Variants in MSH3 observed in about 807,000 individuals in gnomAD.
MSH3 encodes mutS homolog 3.
MSH3 carries 106 observed loss-of-function variants against 123.3 expected under a neutral mutation model. The ratio of observed to expected loss-of-function variants is 0.86; its 90% CI spans 0.73 to 1.01. The LOEUF is 1.01. Among genes scored for constraint, MSH3 ranks in the 50% least tolerant of loss-of-function variants. The probability of loss-of-function intolerance (pLI) is 0.00; values close to 1 mark genes in which losing one functional copy is unlikely to be tolerated. For missense variants in MSH3, 1,459 were observed against 1,347.6 expected, an observed-to-expected ratio of 1.08 and a Z score of -1.29; for synonymous variants, 515 against 481.4, an observed-to-expected ratio of 1.07 and a Z score of -0.91.
At chr5:80,692,227 TAGATAAACATGTATATGTTTAG>T (rs1750295705) in intron 8 of MSH3, among the ~76,000 whole-genome samples, 1 of 85,054 alleles carries the variant, frequency 1.2e-5, no homozygotes, top group African/African-American at 4.6e-5. Context: ...TATGTTTAGA[TAGATAAACATGTATATGTTTAG>T]ATAGATAGAT....
At chr5:80,823,032 G>A (rs1344030203) in intron 20 of MSH3, among the ~76,000 whole-genome samples, 1 of 152,178 alleles carries the variant, frequency 6.6e-6, no homozygotes, top group Non-Finnish European at 1.5e-5. Flanking sequence ...ACTTGGTCCT[G>A]GTGGGTAGTG....
chr5:80,791,658 CT>C (rs1171179621), intron 18 of MSH3, among the ~76,000 whole-genome samples: 40 of 152,186 alleles, frequency 2.6e-4, no homozygotes, highest in African/African-American at 9.2e-4. Flanking sequence ...TGTGAAATGA[CT>C]TTAAAGGAAT....
intron 2 of MSH3, among the ~76,000 whole-genome samples, chr5:80,659,215 C>T (rs1444490785): frequency 1.4e-5 from 2 of 144,652 alleles, no homozygotes; most frequent in Non-Finnish European, 3.0e-5. Flanking sequence ...AGCTGGGTGA[C>T]AGAGTGAGAT....
intron 19 of MSH3, among the ~76,000 whole-genome samples, chr5:80,795,000 T>C (rs1744672967): frequency 6.6e-6 from 1 of 152,110 alleles, no homozygotes. Context: ...GAAGGAAATG[T>C]TAAGCAAGGT....
At chr5:80,775,889 A>C in intron 16 of MSH3, 131 bp downstream of exon 16, 3 of 631,228 alleles carry the variant, frequency 4.8e-6, no homozygotes, top group South Asian at 1.8e-5. Flanking sequence ...TTCTGATGGA[A>C]CTTTTTTTTT....
intron 3 of MSH3, among the ~76,000 whole-genome samples, chr5:80,666,377 T>G (rs938521882): frequency 5.3e-5 from 8 of 152,160 alleles, no homozygotes; most frequent in Admixed American, 5.2e-4. Context: ...TTGCCTATAA[T>G]TTTCAAGATT....
chr5:80,842,514 A>G (rs1312945261), intron 20 of MSH3, among the ~76,000 whole-genome samples: 1 of 152,116 alleles, frequency 6.6e-6, no homozygotes, highest in Non-Finnish European at 1.5e-5. Flanking sequence ...GGCCATTTTC[A>G]CAATATTGAT....
chr5:80,805,339 C>T (rs1744868413), intron 19 of MSH3, among the ~76,000 whole-genome samples: 1 of 152,172 alleles, frequency 6.6e-6, no homozygotes, highest in African/African-American at 2.4e-5. Flanking sequence ...GTGGAAAAAA[C>T]TTCTCCATAC....
chr5:80,860,803 T>G (rs1408349563), intron 21 of MSH3, among the ~76,000 whole-genome samples: 1 of 152,182 alleles, frequency 6.6e-6, no homozygotes, highest in Non-Finnish European at 1.5e-5. Flanking sequence ...ATTAGCTGCA[T>G]GTTATATCTT....
At chr5:80,756,919 T>C (rs990269375) in intron 12 of MSH3, among the ~76,000 whole-genome samples, 1 of 152,156 alleles carries the variant, frequency 6.6e-6, no homozygotes, top group African/African-American at 2.4e-5. Flanking sequence ...ATTATTTAGG[T>C]AGTTCATTTA....
chr5:80,681,567 A>G (rs1561440491), intron 8 of MSH3, among the ~76,000 whole-genome samples: 1 of 151,830 alleles, frequency 6.6e-6, no homozygotes, highest in Non-Finnish European at 1.5e-5. Context: ...ATAAATTATG[A>G]TAAATGGATA....
At chr5:80,815,733 C>G (rs1302930693) in intron 20 of MSH3, among the ~76,000 whole-genome samples, 1 of 152,168 alleles carries the variant, frequency 6.6e-6, no homozygotes, top group East Asian at 1.9e-4. Context: ...TCCCAGAAAA[C>G]TTACCTTTCA....
chr5:80,674,610 A>G (rs1749795863), intron 6 of MSH3, among the ~76,000 whole-genome samples: 3 of 152,232 alleles, frequency 2.0e-5, no homozygotes, highest in Admixed American at 2.0e-4. Flanking sequence ...TATGCTCTTT[A>G]TATCTTAGGA....
chr5:80,824,067 G>A (rs1054258762), intron 20 of MSH3, among the ~76,000 whole-genome samples: 1 of 152,112 alleles, frequency 6.6e-6, no homozygotes, highest in Non-Finnish European at 1.5e-5. Context: ...TTAGTACAGA[G>A]CAAAATGGAG....
intron 4 of MSH3, among the ~76,000 whole-genome samples, chr5:80,671,361 GA>G: frequency 6.6e-6 from 1 of 152,280 alleles, no homozygotes; most frequent in South Asian, 2.1e-4. Flanking sequence ...GGGAAGTAAA[GA>G]CTTGGCCAAC....
intron 20 of MSH3, among the ~76,000 whole-genome samples, chr5:80,819,454 G>GTGTT (rs1459038217): frequency 4.1e-5 from 6 of 145,172 alleles, no homozygotes; most frequent in Non-Finnish European, 7.5e-5. Context: ...ATATGTGTGT[G>GTGTT]TGTGTGTGTG....
intron 10 of MSH3, among the ~76,000 whole-genome samples, chr5:80,733,759 A>G (rs1045636061): frequency 1.3e-5 from 2 of 152,180 alleles, no homozygotes; most frequent in African/African-American, 4.8e-5. Context: ...ATTCAAATCA[A>G]TGCCACAGTT....
chr5:80,815,509 A>C (rs1745085492), intron 20 of MSH3, among the ~76,000 whole-genome samples: 1 of 152,202 alleles, frequency 6.6e-6, no homozygotes, highest in African/African-American at 2.4e-5. Flanking sequence ...TATTTTTGTC[A>C]TATAAGGAGA....
At chr5:80,691,393 A>G (rs1750240751) in intron 8 of MSH3, among the ~76,000 whole-genome samples, 1 of 152,006 alleles carries the variant, frequency 6.6e-6, no homozygotes, top group Non-Finnish European at 1.5e-5. Context: ...AAAGAAAATA[A>G]GGTCTTAACG....
Sources: gnomAD v4.1 joint callset for allele counts (sites outside exome capture counted in the v4.1 genomes callset) on GRCh38, gnomAD v4.1.1 for gene constraint, MANE v1.5 for transcripts, NCBI Gene and HGNC (gene_info 2026-07-23, HGNC 2026-07-21) for gene names.